SLC25A48: variants seen among roughly 807,000 people sequenced by gnomAD.
SLC25A48 encodes the protein solute carrier family 25 member 48, also known as CTC-321K16.1.
Under a neutral mutation model 32.2 loss-of-function variants are expected in SLC25A48, and 29 were observed. The ratio of observed to expected loss-of-function variants is 0.90; its 90% CI spans 0.67 to 1.23. The LOEUF is 1.23. Ranked by LOEUF, SLC25A48 falls within the 50% of genes most tolerant of loss-of-function variation. SLC25A48 has a pLI of 0.00. For missense variants in SLC25A48, 399 were observed against 422.7 expected, an observed-to-expected ratio of 0.94 and a Z score of 0.49; for synonymous variants, 164 against 172.3, an observed-to-expected ratio of 0.95 and a Z score of 0.38.
intron 1 of SLC25A48, among the ~76,000 whole-genome samples, chr5:135,610,757 C>T (rs1752045539): frequency 6.6e-6 from 1 of 152,192 alleles, no homozygotes; most frequent in South Asian, 2.1e-4. Flanking sequence ...CTGACAACCA[C>T]TGAATAAAGG....
chr5:135,679,247 A>G (rs13168399), intron 3 of SLC25A48, among the ~76,000 whole-genome samples: 114,652 of 152,028 alleles, frequency 0.75, 43,720 homozygotes, highest in Middle Eastern at 0.86. Flanking sequence ...GTAGTGGCAG[A>G]TTGGGTAGGC....
intron 4 of SLC25A48, among the ~76,000 whole-genome samples, chr5:135,867,570 T>C (rs1761301341): frequency 6.6e-6 from 1 of 152,076 alleles, no homozygotes; most frequent in African/African-American, 2.4e-5. Flanking sequence ...CTGGCGGAGA[T>C]TTCTGCTGTT....
chr5:135,646,448 C>T (rs1350653101), intron 3 of SLC25A48, among the ~76,000 whole-genome samples: 1 of 151,980 alleles, frequency 6.6e-6, no homozygotes, highest in Non-Finnish European at 1.5e-5. Context: ...TTCTGAGCCA[C>T]CACCTCCTGG....
chr5:135,844,720 A>C (rs1027113410), intron 2 of SLC25A48, among the ~76,000 whole-genome samples: 1 of 152,226 alleles, frequency 6.6e-6, no homozygotes, highest in African/African-American at 2.4e-5. Flanking sequence ...ATCATGTGAC[A>C]ATGTCCAGCA....
intron 6 of SLC25A48, chr5:135,874,881 G>T (rs555228155): frequency 1.0e-5 from 5 of 488,600 alleles, no homozygotes; most frequent in African/African-American, 1.0e-4. Context: ...TGCTTTCTTG[G>T]TGTGGCTCTT....
chr5:135,795,921 C>G (rs749932543), intron 3 of SLC25A48, among the ~76,000 whole-genome samples: 10 of 147,610 alleles, frequency 6.8e-5, no homozygotes, highest in Non-Finnish European at 1.2e-4. Context: ...GGTGATATTA[C>G]TCCCCATATC....
At chr5:135,732,394 T>C (rs1755247234) in intron 3 of SLC25A48, among the ~76,000 whole-genome samples, 1 of 152,132 alleles carries the variant, frequency 6.6e-6, no homozygotes, top group Non-Finnish European at 1.5e-5. Context: ...CTGTGGGAAA[T>C]GCCTCTACCT....
chr5:135,776,452 A>C (rs4510577), intron 3 of SLC25A48, among the ~76,000 whole-genome samples: 45,926 of 151,644 alleles, frequency 0.3, 7,112 homozygotes, highest in East Asian at 0.46. Flanking sequence ...GACATTACTT[A>C]TAATACCGCA....
intron 3 of SLC25A48, 54 bp from the exon 4 acceptor site, chr5:135,852,500 CCTGCAGGCT>C: frequency 6.5e-7 from 1 of 1,541,578 alleles, no homozygotes; most frequent in Non-Finnish European, 8.8e-7. Context: ...ACCCCGTCAG[CCTGCAGGCT>C]CTGCGACGGC....
chr5:135,855,167 T>C (rs1760209590), intron 4 of SLC25A48, among the ~76,000 whole-genome samples: 1 of 152,186 alleles, frequency 6.6e-6, no homozygotes, highest in Non-Finnish European at 1.5e-5. Context: ...GTTGAAAATA[T>C]TGTGAGAATT....
intron 7 of SLC25A48, among the ~76,000 whole-genome samples, chr5:135,880,751 C>G (rs1406015663): frequency 6.6e-6 from 1 of 152,156 alleles, no homozygotes; most frequent in Non-Finnish European, 1.5e-5. Flanking sequence ...TCTGAATGTC[C>G]CGCCGTCTCT....
chr5:135,853,542 A>C (rs902916491), intron 4 of SLC25A48, among the ~76,000 whole-genome samples: 31 of 152,362 alleles, frequency 2.0e-4, no homozygotes, highest in African/African-American at 6.5e-4. Flanking sequence ...TGTCTTTCTC[A>C]TCCATAAGAA....
intron 3 of SLC25A48, among the ~76,000 whole-genome samples, chr5:135,749,006 C>T (rs1412258503): frequency 6.6e-6 from 1 of 152,086 alleles, no homozygotes; most frequent in African/African-American, 2.4e-5. Flanking sequence ...GATGTGAGCC[C>T]ATCTCAGGTA....
At chr5:135,838,546 G>A (rs1758726124) in intron 1 of SLC25A48, among the ~76,000 whole-genome samples, 1 of 152,212 alleles carries the variant, frequency 6.6e-6, no homozygotes. Context: ...TCCCATCACA[G>A]ACTCAGAGGC....
At chr5:135,646,662 TATA>T (rs1752967570) in intron 3 of SLC25A48, among the ~76,000 whole-genome samples, 2 of 34,724 alleles carry the variant, frequency 5.8e-5, no homozygotes, top group South Asian at 1.0e-3. Context: ...TTTCCCATTA[TATA>T]TATATATATA....
intron 3 of SLC25A48, among the ~76,000 whole-genome samples, chr5:135,644,142 CA>C (rs1752904520): frequency 6.6e-6 from 1 of 151,782 alleles, no homozygotes; most frequent in African/African-American, 2.4e-5. Context: ...ATTCATGAGA[CA>C]GACTTTGAAA....
chr5:135,745,561 G>A (rs1755619072), intron 3 of SLC25A48, among the ~76,000 whole-genome samples: 1 of 151,918 alleles, frequency 6.6e-6, no homozygotes, highest in Non-Finnish European at 1.5e-5. Flanking sequence ...CGGGGGTGGT[G>A]GGAAGAAAAA....
intron 3 of SLC25A48, among the ~76,000 whole-genome samples, chr5:135,669,004 G>GTAA (rs1340174830): frequency 6.6e-6 from 1 of 152,162 alleles, no homozygotes; most frequent in Non-Finnish European, 1.5e-5. Flanking sequence ...GAGAATGTCA[G>GTAA]TAATAATAAT....
At chr5:135,847,300 A>G (rs1257872822) in intron 2 of SLC25A48, among the ~76,000 whole-genome samples, 7 of 152,200 alleles carry the variant, frequency 4.6e-5, no homozygotes, top group African/African-American at 1.7e-4. Flanking sequence ...AGCTTGGACT[A>G]GACTTGTTTT....
Sources: gnomAD v4.1 joint callset for allele counts (sites outside exome capture counted in the v4.1 genomes callset) on GRCh38, gnomAD v4.1.1 for gene constraint, MANE v1.5 for transcripts, NCBI Gene and HGNC (gene_info 2026-07-23, HGNC 2026-07-21) for gene names.